GRXCR1: variants seen among roughly 807,000 people sequenced by gnomAD.
GRXCR1 encodes glutaredoxin domain-containing cysteine-rich protein 1.
GRXCR1 carries 27 observed loss-of-function variants against 27.3 expected under a neutral mutation model. The ratio of observed to expected loss-of-function variants is 0.99; its 90% CI spans 0.73 to 1.37. The LOEUF is 1.37. GRXCR1 is among the 40% of genes most tolerant of loss of function. The pLI is 0.00. For synonymous variants in GRXCR1, 122 were observed against 131.1 expected (o/e 0.93, Z 0.47); for missense variants, 379 against 354.4 (o/e 1.07, Z -0.56).
intron 1 of GRXCR1, among the ~76,000 whole-genome samples, chr4:42,948,023 T>A (rs1747787733): frequency 1.3e-5 from 2 of 152,172 alleles, no homozygotes; most frequent in East Asian, 1.9e-4. Flanking sequence ...GAAGGCAACA[T>A]TTTTTTGCTT....
chr4:42,993,323 C>T (rs1310203044), intron 2 of GRXCR1, among the ~76,000 whole-genome samples: 1 of 151,894 alleles, frequency 6.6e-6, no homozygotes, highest in Non-Finnish European at 1.5e-5. Flanking sequence ...TTCTTGATGC[C>T]TCTCTGCCCC....
chr4:43,027,924 C>A (rs1713306598), intron 3 of GRXCR1, among the ~76,000 whole-genome samples: 1 of 152,118 alleles, frequency 6.6e-6, no homozygotes, highest in South Asian at 2.1e-4. Flanking sequence ...GCCTGACCAA[C>A]ATGGTGAAAC....
At chr4:43,018,078 G>A (rs1381174854) in intron 2 of GRXCR1, among the ~76,000 whole-genome samples, 3 of 152,220 alleles carry the variant, frequency 2.0e-5, no homozygotes, top group Non-Finnish European at 4.4e-5. Context: ...GCGATCATTT[G>A]ATTTCCTTGT....
chr4:42,956,692 C>G (rs1478420026), intron 1 of GRXCR1, among the ~76,000 whole-genome samples: 1 of 152,100 alleles, frequency 6.6e-6, no homozygotes, highest in East Asian at 1.9e-4. Context: ...AGCAAGGGAA[C>G]TGGCAATGAG....
intron 1 of GRXCR1, among the ~76,000 whole-genome samples, chr4:42,923,237 CT>C (rs1416159904): frequency 2.6e-5 from 4 of 152,120 alleles, no homozygotes; most frequent in Admixed American, 6.5e-5. Flanking sequence ...TCCCCCTTAC[CT>C]TCTGCTCATG....
chr4:42,982,123 T>A (rs989250822), intron 2 of GRXCR1, among the ~76,000 whole-genome samples: 3 of 152,008 alleles, frequency 2.0e-5, no homozygotes, highest in Admixed American at 6.6e-5. Flanking sequence ...GTTACATATG[T>A]ATACATGTGC....
chr4:42,932,656 A>AGAG (rs1747356533), intron 1 of GRXCR1, among the ~76,000 whole-genome samples: 1 of 131,808 alleles, frequency 7.6e-6, no homozygotes, highest in Non-Finnish European at 1.6e-5. Flanking sequence ...AGAGAGAGAG[A>AGAG]GAGAGAGAGG....
intron 2 of GRXCR1, among the ~76,000 whole-genome samples, chr4:42,978,883 A>G (rs1748585531): frequency 6.6e-6 from 1 of 151,962 alleles, no homozygotes; most frequent in South Asian, 2.1e-4. Context: ...AGTTTCCCCC[A>G]TGCTGTTTTT....
At chr4:42,980,624 G>T (rs373064023) in intron 2 of GRXCR1, among the ~76,000 whole-genome samples, 1 of 151,950 alleles carries the variant, frequency 6.6e-6, no homozygotes, top group Non-Finnish European at 1.5e-5. Flanking sequence ...GCTTTTTAAT[G>T]TTCTGTATGT....
chr4:42,922,826 A>G (rs181715537), intron 1 of GRXCR1, among the ~76,000 whole-genome samples: 4 of 152,104 alleles, frequency 2.6e-5, no homozygotes, highest in Admixed American at 6.5e-5. Flanking sequence ...CTAGAGACCA[A>G]TCTTCTTTCA....
In GRXCR1 at chr4:42,987,254, T is replaced by TAATATATA. The variant is rs1223054072; in HGVS notation, c.627+24121_627+24122insATATATAA. On this transcript the variant is annotated intron_variant, in intron 2 of 3. Transcript: ENST00000399770. The stretch of plus-strand genomic sequence containing the variant: ...TTATATATATATAATATATAATATA[T>TAATATATA]ATATATAATATATATATATATATAG... 1.3e-4 allele frequency among the ~76,000 whole-genome samples: 9 copies of TAATATATA among 66,984 alleles called. No individual in the cohort carries two copies. In the South Asian group the frequency reaches 3.1e-3, roughly 23 times the overall value. 43.9% of individuals were successfully genotyped at this position (66,984 alleles called of 152,430 possible). A position where few individuals can be genotyped will look rare whatever the true frequency, so the allele number is the denominator to read the frequency against.
chr4:42,985,672 G>A (rs1290516826), intron 2 of GRXCR1, among the ~76,000 whole-genome samples: 1 of 151,826 alleles, frequency 6.6e-6, no homozygotes, highest in African/African-American at 2.4e-5. Context: ...GAAATCATTT[G>A]TGATGTACAT....
intron 2 of GRXCR1, among the ~76,000 whole-genome samples, chr4:43,013,690 A>G (rs1712836813): frequency 6.6e-6 from 1 of 152,184 alleles, no homozygotes; most frequent in Non-Finnish European, 1.5e-5. Context: ...ATGCAAAGAG[A>G]ATCTGGGGAA....
At chr4:42,934,027 G>A (rs977626034) in intron 1 of GRXCR1, among the ~76,000 whole-genome samples, 3 of 151,838 alleles carry the variant, frequency 2.0e-5, no homozygotes, top group Non-Finnish European at 2.9e-5. Context: ...CCATGTTCCA[G>A]ATCAAAGTTT....
intron 2 of GRXCR1, among the ~76,000 whole-genome samples, chr4:43,003,853 A>G (rs550195507): frequency 1.7e-4 from 26 of 152,384 alleles, no homozygotes; most frequent in African/African-American, 5.3e-4. Flanking sequence ...GAAAATTTGC[A>G]GCCTGACCAT....
chr4:42,980,930 G>C (rs373923117), intron 2 of GRXCR1, among the ~76,000 whole-genome samples: 19 of 150,916 alleles, frequency 1.3e-4, no homozygotes, highest in South Asian at 6.3e-4. Flanking sequence ...ACCTTTATTG[G>C]AGCATTTGGT....
intron 2 of GRXCR1, among the ~76,000 whole-genome samples, chr4:42,982,742 G>C (rs1240367549): frequency 6.8e-6 from 1 of 147,258 alleles, no homozygotes; most frequent in African/African-American, 2.5e-5. Context: ...TTTAATGATT[G>C]CCATTCTAAC....
intron 2 of GRXCR1, among the ~76,000 whole-genome samples, chr4:43,000,068 C>T (rs891332288): frequency 3.8e-4 from 58 of 152,304 alleles, no homozygotes; most frequent in African/African-American, 1.4e-3. Context: ...AAGTTGTGCA[C>T]CGTTCTGAGT....
At chr4:42,922,924 G>A (rs1747053072) in intron 1 of GRXCR1, among the ~76,000 whole-genome samples, 1 of 152,072 alleles carries the variant, frequency 6.6e-6, no homozygotes, top group Non-Finnish European at 1.5e-5. Flanking sequence ...AAGAAAGTAA[G>A]TGGCTTCACT....
Sources: allele counts gnomAD v4.1 joint callset (sites outside exome capture counted in the v4.1 genomes callset), GRCh38; gene constraint gnomAD v4.1.1; transcripts MANE v1.5; gene names NCBI Gene and HGNC (gene_info 2026-07-23, HGNC 2026-07-21).